TPD52L1: variants seen among roughly 807,000 people sequenced by gnomAD.
TPD52L1 encodes the protein TPD52 like 1.
Under a neutral mutation model 28.7 loss-of-function variants are expected in TPD52L1, and 18 were observed. The observed-to-expected ratio is 0.63, with a 90% CI of 0.43 to 0.93. The LOEUF (loss-of-function observed/expected upper bound fraction) is 0.93, where lower values mean the gene tolerates loss of function less well. Among genes scored for constraint, TPD52L1 ranks in the 40% least tolerant of loss-of-function variants. The pLI is 0.00. For synonymous variants in TPD52L1, 75 were observed against 88.8 expected (o/e 0.84, Z 0.88); for missense variants, 203 against 254.8 (o/e 0.80, Z 1.39).
intron 1 of TPD52L1, among the ~76,000 whole-genome samples, chr6:125,182,024 A>G (rs1792228733): frequency 6.6e-6 from 1 of 152,186 alleles, no homozygotes; most frequent in South Asian, 2.1e-4. Flanking sequence ...TTCCCCTCGG[A>G]TACCTCTGGC....
chr6:125,250,141 T>C (rs1234420734), intron 4 of TPD52L1, among the ~76,000 whole-genome samples: 1 of 152,180 alleles, frequency 6.6e-6, no homozygotes, highest in Non-Finnish European at 1.5e-5. Context: ...ATAAAATTGA[T>C]TCTCTTCATA....
At chr6:125,219,160 T>C (rs1795067007) in intron 1 of TPD52L1, among the ~76,000 whole-genome samples, 1 of 152,216 alleles carries the variant, frequency 6.6e-6, no homozygotes, top group Non-Finnish European at 1.5e-5. Flanking sequence ...AATCATGTCA[T>C]AGATGAAGTT....
intron 5 of TPD52L1, among the ~76,000 whole-genome samples, chr6:125,256,879 T>A (rs1797637441): frequency 6.6e-6 from 1 of 152,282 alleles, no homozygotes; most frequent in Admixed American, 6.5e-5. Flanking sequence ...TATTGTGTAC[T>A]GATCATTTTA....
chr6:125,184,287 T>A (rs1243038350), intron 1 of TPD52L1, among the ~76,000 whole-genome samples: 1 of 152,254 alleles, frequency 6.6e-6, no homozygotes, highest in Non-Finnish European at 1.5e-5. Context: ...GCTCCATAAC[T>A]GCTCCTGTCT....
At chr6:125,172,762 G>T (rs1317085921) in intron 1 of TPD52L1, among the ~76,000 whole-genome samples, 1 of 150,228 alleles carries the variant, frequency 6.7e-6, no homozygotes, top group Non-Finnish European at 1.5e-5. Context: ...TTACTCTCCA[G>T]CACCTAGAAC....
rs1471076418 is a variant in TPD52L1, at chr6:125,165,144, A to G, written c.19+11174A>G. ...TTTTGTATACATATATAAAACTAAA[A>G]GAAAAAAGTAAAACAAGAAAAAATT... On this transcript the variant is annotated intron_variant, in intron 1 of 6. Transcript: ENST00000534000. Among the ~76,000 whole-genome samples the G allele has an allele frequency of 2.4e-5, 3 of 125,508 alleles. No individual in the cohort carries two copies. In the Admixed American group the frequency reaches 2.7e-4, roughly 11 times the overall value. 82.3% of individuals were successfully genotyped at this position (125,508 alleles called of 152,430 possible).
intron 2 of TPD52L1, chr6:125,221,823 T>A (rs1241392583): frequency 6.6e-6 from 1 of 152,210 alleles, no homozygotes; most frequent in African/African-American, 2.4e-5. Context: ...CACCAGACTC[T>A]TTGTTACTGT....
At chr6:125,255,560 G>C (rs1797546412) in intron 5 of TPD52L1, among the ~76,000 whole-genome samples, 1 of 152,108 alleles carries the variant, frequency 6.6e-6, no homozygotes. Flanking sequence ...GTACATTTCT[G>C]ACCATGTGGA....
intron 1 of TPD52L1, among the ~76,000 whole-genome samples, chr6:125,180,541 C>A (rs1235544509): frequency 3.3e-5 from 5 of 150,864 alleles, no homozygotes; most frequent in African/African-American, 1.2e-4. Flanking sequence ...TATACATTTA[C>A]CATACACACA....
intron 5 of TPD52L1, among the ~76,000 whole-genome samples, chr6:125,256,111 G>C (rs548980363): frequency 6.6e-6 from 1 of 152,124 alleles, no homozygotes; most frequent in Admixed American, 6.5e-5. Flanking sequence ...CACTTTTGGA[G>C]GCCGAGGCAG....
intron 2 of TPD52L1, among the ~76,000 whole-genome samples, chr6:125,226,671 C>T (rs972737527): frequency 6.6e-6 from 1 of 151,560 alleles, no homozygotes; most frequent in African/African-American, 2.4e-5. Flanking sequence ...TACCCCCACC[C>T]CCGCCGAGAA....
Position 125,153,883 on chromosome 6 carries a change from G to A in TPD52L1, c.-69G>A, listed in dbSNP as rs1789932498. On this transcript the variant is annotated 5_prime_UTR_variant, in exon 1 of 7. Transcript: ENST00000534000. ...CGGGGCCAGCTGCGTTCTGAGCCTG[G>A]GCGCAGCTGCCATCTGCTCTGGGAA... The A allele has an allele frequency of 3.2e-6, 5 of 1,542,758 alleles. No homozygotes were observed. In the East Asian group the frequency reaches 1.2e-4, roughly 37 times the overall value.
intron 1 of TPD52L1, among the ~76,000 whole-genome samples, chr6:125,216,927 A>C (rs1794931375): frequency 6.6e-6 from 1 of 152,036 alleles, no homozygotes; most frequent in Admixed American, 6.5e-5. Context: ...AACTATACAC[A>C]CTTGAGCCAT....
chr6:125,204,931 G>C (rs1794022998), intron 1 of TPD52L1, among the ~76,000 whole-genome samples: 2 of 152,208 alleles, frequency 1.3e-5, no homozygotes, highest in Non-Finnish European at 2.9e-5. Flanking sequence ...GGAAGAAAAA[G>C]ACAATGAATT....
rs569172089 is a variant in TPD52L1 at position 125,219,928 on chromosome 6, A to T, written c.20-150A>T. ...TTTGCTTTCTTGGAGCTCGTCACAC[A>T]TTTAGGAGGATTTTTGTCTTTTCTG... On this transcript the variant is annotated intron_variant, in intron 1 of 6. Coordinates refer to ENST00000534000, the MANE Select transcript of TPD52L1 (RefSeq NM_003287.4). 3 of 700,846 alleles carry T rather than the reference A, an allele frequency of 4.3e-6. No homozygotes were observed. In the South Asian group the frequency reaches 4.5e-5, roughly 11 times the overall value. The allele number at this position is 700,846 out of a possible 1,614,324, so 43.4% of individuals were successfully genotyped here.
chr6:125,241,003 T>C (rs1425653328), intron 3 of TPD52L1, among the ~76,000 whole-genome samples: 1 of 152,098 alleles, frequency 6.6e-6, no homozygotes, highest in East Asian at 1.9e-4. Context: ...ATGTCCCTTC[T>C]ATGCTGATTA....
chr6:125,234,584 A>C (rs560391404), intron 3 of TPD52L1, among the ~76,000 whole-genome samples: 1 of 152,328 alleles, frequency 6.6e-6, no homozygotes, highest in South Asian at 2.1e-4. Context: ...GCAATGGTGA[A>C]CCTATATTTA....
At chr6:125,259,274 A>G (rs187095062) in intron 6 of TPD52L1, among the ~76,000 whole-genome samples, 9 of 152,304 alleles carry the variant, frequency 5.9e-5, no homozygotes, top group African/African-American at 1.9e-4. Flanking sequence ...AGTCATATTT[A>G]TGTCCTGTGA....
chr6:125,169,319 A>T (rs949922061), intron 1 of TPD52L1, among the ~76,000 whole-genome samples: 7 of 152,106 alleles, frequency 4.6e-5, no homozygotes, highest in African/African-American at 1.7e-4. Flanking sequence ...AATTGGATCC[A>T]TGTGCTAACA....
Sources: allele counts gnomAD v4.1 joint callset (sites outside exome capture counted in the v4.1 genomes callset), GRCh38; gene constraint gnomAD v4.1.1; transcripts MANE v1.5; gene names NCBI Gene and HGNC (gene_info 2026-07-23, HGNC 2026-07-21).